The following PCDHGA1 variants were observed in gnomAD, a reference collection of about 807,000 sequenced individuals.
PCDHGA1 encodes the protein protocadherin gamma subfamily A, 1, also known as protocadherin gamma-A1.
In PCDHGA1, 32 loss-of-function variants were observed where a neutral mutation model predicts 58.0. That is an observed-to-expected ratio of 0.55 (90% CI 0.42 to 0.74). PCDHGA1 has a LOEUF of 0.74. Ranked by LOEUF, PCDHGA1 falls within the 30% of genes least tolerant of loss-of-function variation. PCDHGA1 has a pLI of 0.00. For synonymous variants in PCDHGA1, 498 were observed against 501.1 expected (o/e 0.99, Z 0.08); for missense variants, 1,205 against 1,182.3 (o/e 1.02, Z -0.28).
intron 3 of PCDHGA1, among the ~76,000 whole-genome samples, chr5:141,509,064 C>T (rs890846779): frequency 6.6e-6 from 1 of 152,184 alleles, no homozygotes; most frequent in African/African-American, 2.4e-5. Flanking sequence ...AAGCTCTCAG[C>T]TCCGGGGATT....
intron 3 of PCDHGA1, among the ~76,000 whole-genome samples, chr5:141,510,214 A>G (rs1047332886): frequency 6.6e-6 from 1 of 151,406 alleles, no homozygotes; most frequent in Non-Finnish European, 1.5e-5. Context: ...CAGAGGTTGC[A>G]GTGAGCCGGG....
At chr5:141,391,884 G>C (rs1192403353) in intron 1 of PCDHGA1, 1 of 152,128 alleles carries the variant, frequency 6.6e-6, no homozygotes, top group East Asian at 1.9e-4. Flanking sequence ...TTGGTGAAAG[G>C]GATGGGATGG....
Position 141,510,957 on chromosome 5 carries a change from T to C in PCDHGA1, c.2580T>C (p.Asp860=), listed in dbSNP as rs372617587. ...MILASASEAA[D]GSSTLGGGAG... ...CCTCTGTCTCTGCAGAAGCTGCTGA[T>C]GGGAGCTCCACCCTGGGAGGGGGTG... Residue 860 remains aspartate, a synonymous_variant, in exon 4 of 4, where the codon GAT becomes GAC. Transcript: ENST00000517417. 2.5e-6 allele frequency: 4 copies of C among 1,614,134 alleles called. No individual in the cohort carries two copies. The highest frequency in any genetic ancestry group is 3.4e-6 in the Non-Finnish European group (4 of 1,180,004).
chr5:141,389,339 C>G, intron 1 of PCDHGA1: 2 of 1,614,010 alleles, frequency 1.2e-6, no homozygotes, highest in Middle Eastern at 1.6e-4. Flanking sequence ...ACGGCCAAGT[C>G]TCTTACTGCA....
intron 1 of PCDHGA1, chr5:141,395,256 T>G: frequency 6.4e-7 from 1 of 1,554,392 alleles, no homozygotes; most frequent in East Asian, 2.3e-5. Flanking sequence ...AGTTCTTTGC[T>G]TGCTTTTAAT....
At chr5:141,448,782 T>C (rs2098606045) in intron 1 of PCDHGA1, among the ~76,000 whole-genome samples, 1 of 148,758 alleles carries the variant, frequency 6.7e-6, no homozygotes, top group Non-Finnish European at 1.5e-5. Flanking sequence ...GTACTAAAAA[T>C]ACAAAAAAAA....
At chr5:141,341,747 A>G (rs1212091051) in intron 1 of PCDHGA1, 3 of 427,258 alleles carry the variant, frequency 7.0e-6, no homozygotes, top group African/African-American at 2.0e-5. Flanking sequence ...TAAAAATATA[A>G]AGATTGGAGT....
At chr5:141,389,631 G>A (rs1390648430) in intron 1 of PCDHGA1, 15 of 1,612,998 alleles carry the variant, frequency 9.3e-6, no homozygotes, top group African/African-American at 1.3e-5. Flanking sequence ...TGCAGAGCCT[G>A]GCTACTTGGT....
At chr5:141,435,058 A>G (rs1161891073) in intron 1 of PCDHGA1, among the ~76,000 whole-genome samples, 3 of 152,234 alleles carry the variant, frequency 2.0e-5, no homozygotes, top group East Asian at 3.9e-4. Flanking sequence ...ACCATGCAGC[A>G]GTTTTGTGTA....
intron 1 of PCDHGA1, chr5:141,402,800 C>T: frequency 1.9e-6 from 2 of 1,072,726 alleles, no homozygotes; most frequent in African/African-American, 1.6e-5. Flanking sequence ...ACACAAAACC[C>T]GGCAGATACC....
intron 1 of PCDHGA1, chr5:141,385,051 C>A (rs1222079447): frequency 6.2e-7 from 1 of 1,614,154 alleles, no homozygotes; most frequent in East Asian, 2.2e-5. Flanking sequence ...CAGGCTGCGG[C>A]GCTGGCACAA....
At chr5:141,405,880 G>T (rs2094729430) in intron 1 of PCDHGA1, among the ~76,000 whole-genome samples, 1 of 152,110 alleles carries the variant, frequency 6.6e-6, no homozygotes, top group Non-Finnish European at 1.5e-5. Flanking sequence ...GGGCCTAATT[G>T]TTGCTCCAAC....
intron 1 of PCDHGA1, among the ~76,000 whole-genome samples, chr5:141,369,620 T>G (rs1766381490): frequency 6.6e-6 from 1 of 152,226 alleles, no homozygotes; most frequent in Non-Finnish European, 1.5e-5. Context: ...AATCATTTCC[T>G]CATTACCTTT....
At chr5:141,444,152 A>ATTTTTTTTTTTTTTTTT (rs747671382) in intron 1 of PCDHGA1, among the ~76,000 whole-genome samples, 1 of 33,898 alleles carries the variant, frequency 3.0e-5, no homozygotes, top group African/African-American at 1.4e-4. Context: ...TGTGTACTGG[A>ATTTTTTTTTTTTTTTTT]TTTTTTTTTT....
intron 1 of PCDHGA1, chr5:141,355,729 T>G: frequency 6.2e-7 from 1 of 1,614,026 alleles, no homozygotes; most frequent in Non-Finnish European, 8.5e-7. Context: ...CTCAAACGGT[T>G]ACTTTTCCCT....
At chr5:141,480,198 G>A (rs1280951298) in intron 1 of PCDHGA1, among the ~76,000 whole-genome samples, 2 of 150,780 alleles carry the variant, frequency 1.3e-5, no homozygotes, top group African/African-American at 4.9e-5. Flanking sequence ...GAGGCCAGCA[G>A]TTCAAGACCA....
intron 1 of PCDHGA1, chr5:141,356,266 G>A: frequency 6.4e-7 from 1 of 1,564,424 alleles, no homozygotes; most frequent in Non-Finnish European, 8.7e-7. Flanking sequence ...CACCAGCTCA[G>A]TCCAGGAATC....
At chr5:141,482,530 CAAAAAAA>C (rs3074545) in intron 1 of PCDHGA1, among the ~76,000 whole-genome samples, 2 of 76,560 alleles carry the variant, frequency 2.6e-5, no homozygotes, top group South Asian at 4.6e-4. Flanking sequence ...GACAGACATG[CAAAAAAA>C]AAAAAAAAAA....
chr5:141,422,166 T>G (rs370704205), intron 1 of PCDHGA1: 30 of 1,569,256 alleles, frequency 1.9e-5, no homozygotes, highest in Non-Finnish European at 2.5e-5. Flanking sequence ...TTGAAAAATA[T>G]AGATTCTATG....
Sources: gnomAD v4.1 joint callset for allele counts (sites outside exome capture counted in the v4.1 genomes callset) on GRCh38, gnomAD v4.1.1 for gene constraint, MANE v1.5 for transcripts, NCBI Gene and HGNC (gene_info 2026-07-23, HGNC 2026-07-21) for gene names.